The following ANK1 variants were observed in gnomAD, a reference collection of about 807,000 sequenced individuals.
ANK1 encodes ankyrin 1, also known as ankyrin-1.
ANK1 carries 51 observed loss-of-function variants against 210.4 expected under a neutral mutation model. The ratio of observed to expected loss-of-function variants is 0.24; its 90% CI spans 0.19 to 0.31. The LOEUF is 0.31. ANK1 is among the 10% of genes least tolerant of loss of function. The pLI is 1.00. For missense variants in ANK1, 2,051 were observed against 2,504.4 expected (o/e 0.82, Z 3.86); for synonymous variants, 967 against 1,025.9 (o/e 0.94, Z 1.10).
chr8:41,800,577 C>G (rs1001060275), upstream of ANK1, among the ~76,000 whole-genome samples: 1 of 152,222 alleles, frequency 6.6e-6, no homozygotes, highest in Non-Finnish European at 1.5e-5. Context: ...AACAAAGAGG[C>G]TCTGGGTTCC....
At chr8:41,748,586 G>A (rs1836762349) in intron 2 of ANK1, among the ~76,000 whole-genome samples, 2 of 152,030 alleles carry the variant, frequency 1.3e-5, no homozygotes, top group Admixed American at 6.6e-5. Flanking sequence ...TCCCAGTTCT[G>A]TACTCGGAGA....
Position 41,744,606 on chromosome 8 carries a change from G to A in ANK1, c.130-10537C>T, listed in dbSNP as rs925742507. On this transcript the variant is annotated intron_variant, in intron 2 of 42. Transcript: ENST00000289734. Reference sequence around the variant, plus strand: ...GGCTGGAGTGCAGTGGTGCAATCTCGGCTCACTGCAAGCTCCGCCTCCCGG... The same window carrying A: ...GGCTGGAGTGCAGTGGTGCAATCTCAGCTCACTGCAAGCTCCGCCTCCCGG... 5.4e-5 allele frequency among the ~76,000 whole-genome samples: 8 copies of A among 147,204 alleles called. No individual in the cohort carries two copies. In the East Asian group the frequency reaches 1.2e-3, roughly 22 times the overall value.
rs76721090 is a variant in ANK1 at position 41,853,127 on chromosome 8, C to T, written c.126+43228G>A. Among the ~76,000 whole-genome samples, 467 of 152,296 alleles carry T rather than the reference C, an allele frequency of 3.1e-3. 4 individuals carry two copies. Among genetic ancestry groups the T allele is most frequent in the African/African-American group, 0.011 (437 of 41,566 alleles). On this transcript the variant is annotated intron_variant, in intron 1 of 42. Coordinates refer to the ANK1 transcript ENST00000265709. Reference sequence around the variant, plus strand: ...AGCTATGAGATTCCCCCAGTGCATTCGGAAATAAGACTCAATTGACAAAAA... The same window carrying T: ...AGCTATGAGATTCCCCCAGTGCATTTGGAAATAAGACTCAATTGACAAAAA...
At chr8:41,896,485 G>A in exon 1 of ANK1, 1 of 1,593,872 alleles carries the variant, frequency 6.3e-7, no homozygotes. Context: ...AGCCATGGCG[G>A]GTCACGGCGC....
intron 2 of ANK1, among the ~76,000 whole-genome samples, chr8:41,756,003 C>T (rs1839055699): frequency 6.6e-6 from 1 of 152,182 alleles, no homozygotes; most frequent in Non-Finnish European, 1.5e-5. Flanking sequence ...TTCTGTTTCC[C>T]ATCACATACC....
chr8:41,693,322 C>A, intron 29 of ANK1, 121 bp from the exon 30 acceptor site: 3 of 842,622 alleles, frequency 3.6e-6, no homozygotes, highest in Non-Finnish European at 5.9e-6. Context: ...TGTCTGCAGC[C>A]CTGGGCACCC....
rs187599803 is a variant in ANK1, at chr8:41,812,716, C to T, written c.127-54579G>A. On this transcript the variant is annotated intron_variant, in intron 1 of 42. Coordinates refer to the ANK1 transcript ENST00000265709. Reference sequence around the variant, plus strand: ...AGTTTTGTGGAAGACAGTATTTCCACGGACCGGAGGTGGTGGGATGGTTTC... The same window carrying T: ...AGTTTTGTGGAAGACAGTATTTCCATGGACCGGAGGTGGTGGGATGGTTTC... 1.9e-3 allele frequency among the ~76,000 whole-genome samples: 282 copies of T among 152,258 alleles called. 2 individuals carry two copies. The highest frequency in any genetic ancestry group is 1.9e-3 in the Admixed American group (29 of 15,284).
At position 41,698,258 on chromosome 8, in the gene ANK1, C is replaced by T. The variant is rs182513031; in HGVS notation, c.2559-137G>A. 1.0e-3 allele frequency: 843 copies of T among 819,206 alleles called. 5 individuals carry two copies. Among genetic ancestry groups the T allele is most frequent in the Middle Eastern group, 7.4e-4 (3 of 4,056 alleles). 50.7% of individuals were successfully genotyped at this position (819,206 alleles called of 1,614,324 possible). On this transcript the variant is annotated intron_variant, in intron 23 of 42. Coordinates refer to ENST00000289734, the MANE Select transcript of ANK1 (RefSeq NM_000037.4). ...GCGCTTCACAACCTGGTGGAAGGAC[C>T]GCCTCCTCCTCCATGAAGTCCTCCC...
rs977454319 is a variant in ANK1, at chr8:41,706,020, C to T, written c.2097+123G>A. ...GTGTTTTCAAACTCCACTGCCAGCC[C>T]TAGGAAGTGGCAGAGAAGAATGTCC... On this transcript the variant is annotated intron_variant, in intron 18 of 42. Coordinates refer to ENST00000289734, the MANE Select transcript of ANK1 (RefSeq NM_000037.4). The T allele has an allele frequency of 9.4e-6, 9 of 959,012 alleles. No individual in the cohort carries two copies. In the South Asian group the frequency reaches 1.1e-4, roughly 11 times the overall value. 59.4% of individuals were successfully genotyped at this position (959,012 alleles called of 1,614,324 possible). A position where few individuals can be genotyped will look rare whatever the true frequency, so the allele number is the denominator to read the frequency against.
At position 41,694,895 on chromosome 8, in the gene ANK1, C is replaced by A; in HGVS notation, c.3116-92G>T. 1 of 1,324,634 alleles carries A rather than the reference C, an allele frequency of 7.5e-7. No individual in the cohort carries two copies. The highest frequency in any genetic ancestry group is 1.8e-5 in the Admixed American group (1 of 54,528). 82.1% of individuals were successfully genotyped at this position (1,324,634 alleles called of 1,614,324 possible). On this transcript the variant is annotated intron_variant, in intron 27 of 42. Coordinates refer to ENST00000289734, the MANE Select transcript of ANK1 (RefSeq NM_000037.4). This position sits in a 1 kb window ranked among gnomAD's most constrained non-coding sequence, Gnocchi z 5.7. ...CCAGAGTCTCCTTGTCCCCAAGACCCAGTGCACACACCCTCCCCAGGTGCC... is the reference window on the plus strand; with the variant it reads ...CCAGAGTCTCCTTGTCCCCAAGACCAAGTGCACACACCCTCCCCAGGTGCC...
At chr8:41,727,719 C>T (rs963796537) in intron 4 of ANK1, among the ~76,000 whole-genome samples, 189 bp downstream of exon 4, 5 of 152,206 alleles carry the variant, frequency 3.3e-5, no homozygotes, top group African/African-American at 9.7e-5. Context: ...TTAGGACACG[C>T]GGTCTATGCA....
intron 1 of ANK1, among the ~76,000 whole-genome samples, chr8:41,764,104 A>T (rs1229476932): frequency 4.6e-5 from 7 of 151,752 alleles, no homozygotes; most frequent in Non-Finnish European, 8.8e-5. Context: ...ATCACTCAGA[A>T]TATAGGTCCT....
intron 29 of ANK1, 97 bp downstream of exon 29, chr8:41,693,801 G>A (rs1349416935): frequency 1.4e-5 from 19 of 1,384,318 alleles, no homozygotes; most frequent in East Asian, 5.0e-5. Context: ...CAAAAACTAA[G>A]GGGATTGCTG....
intron 2 of ANK1, among the ~76,000 whole-genome samples, chr8:41,738,095 T>C (rs516606): frequency 0.56 from 84,809 of 152,032 alleles, 24,103 homozygotes; most frequent in East Asian, 0.77. Context: ...AAAAGAGTTG[T>C]TCTGTCAAGA....
At chr8:41,858,384 C>G (rs959792187) in intron 1 of ANK1, among the ~76,000 whole-genome samples, 1 of 151,866 alleles carries the variant, frequency 6.6e-6, no homozygotes, top group Non-Finnish European at 1.5e-5. Flanking sequence ...AGAAAATTCA[C>G]CTAGGCCAAG....
intron 42 of ANK1, chr8:41,660,438 G>A (rs201989412): frequency 4.3e-5 from 20 of 469,694 alleles, no homozygotes; most frequent in Middle Eastern, 4.0e-4. Flanking sequence ...CTCCCACCCC[G>A]AGGTATCCTG....
chr8:41,801,190 A>C (rs1849808074), upstream of ANK1, among the ~76,000 whole-genome samples: 1 of 152,016 alleles, frequency 6.6e-6, no homozygotes. Context: ...GATTCACTGC[A>C]GCCTTGAACT....
chr8:41,711,116 T>G (rs1826000058), intron 16 of ANK1, among the ~76,000 whole-genome samples: 2 of 152,192 alleles, frequency 1.3e-5, no homozygotes, highest in Admixed American at 1.3e-4. Context: ...CAACATGATT[T>G]TTGCACTGTA....
rs531936490 is a variant in ANK1 at position 41,809,896 on chromosome 8, C to T, written c.127-51759G>A. 3.9e-5 allele frequency among the ~76,000 whole-genome samples: 6 copies of T among 152,352 alleles called. No homozygotes were observed. In the East Asian group the frequency reaches 1.2e-3, roughly 29 times the overall value. On this transcript the variant is annotated intron_variant, in intron 1 of 42. Coordinates refer to the ANK1 transcript ENST00000265709. ...ACTAAACCCCAGATGCTCTGCCTCT[C>T]CTACTTTGTGAAAGTAATCAGTCCT...
Sources: allele counts gnomAD v4.1 joint callset (sites outside exome capture counted in the v4.1 genomes callset), GRCh38; gene constraint gnomAD v4.1.1; non-coding constraint Gnocchi (gnomAD v3.1); transcripts MANE v1.5; gene names NCBI Gene and HGNC (gene_info 2026-07-23, HGNC 2026-07-21).